NOXRED1: variants seen among roughly 807,000 people sequenced by gnomAD.
NOXRED1 encodes NADP dependent oxidoreductase domain containing 1.
Under a neutral mutation model 30.4 loss-of-function variants are expected in NOXRED1, and 20 were observed. That is an observed-to-expected ratio of 0.66 (90% CI 0.46 to 0.96). NOXRED1 has a LOEUF of 0.96. NOXRED1 is among the 40% of genes least tolerant of loss of function. NOXRED1 has a pLI of 0.00. For missense variants in NOXRED1, 374 were observed against 428.0 expected (o/e 0.87, Z 1.11); for synonymous variants, 155 against 168.0 (o/e 0.92, Z 0.60).
intron 2 of NOXRED1, among the ~76,000 whole-genome samples, chr14:77,412,101 TA>T (rs71128621): frequency 0.023 from 1,482 of 63,702 alleles, 20 homozygotes; most frequent in African/African-American, 0.059. Context: ...AGACTCAGTC[TA>T]AAAAAAAAAA....
In NOXRED1 at chr14:77,423,444, A is replaced by T. The variant is rs1294759967; in HGVS notation, c.-555T>A. 2.0e-5 allele frequency: 3 copies of T among 152,678 alleles called. No homozygotes were observed. Among genetic ancestry groups the T allele is most frequent in the African/African-American group, 7.2e-5 (3 of 41,458 alleles). 9.5% of individuals were successfully genotyped at this position (152,678 alleles called of 1,614,324 possible). ...TTTTACAAACTAAACTCAAAGTCAT[A>T]TAAACCCATCTACATATATCTATCA... On this transcript the variant is annotated 5_prime_UTR_variant, in exon 1 of 6. Coordinates refer to ENST00000380835, the MANE Select transcript of NOXRED1 (RefSeq NM_001113475.3).
At chr14:77,415,585 T>TATAG (rs35339836) in intron 1 of NOXRED1, among the ~76,000 whole-genome samples, 7,053 of 145,464 alleles carry the variant, frequency 0.048, 219 homozygotes, top group African/African-American at 0.085. Context: ...AGAAAATACA[T>TATAG]ATAGATAGAT....
At chr14:77,419,024 T>A (rs1025067650) in intron 1 of NOXRED1, among the ~76,000 whole-genome samples, 4 of 151,638 alleles carry the variant, frequency 2.6e-5, no homozygotes, top group African/African-American at 9.7e-5. Context: ...GGTCCAGGAG[T>A]GATGAGGTTT....
chr14:77,406,201 A>C, intron 4 of NOXRED1, 66 bp from the exon 5 acceptor site: 3 of 1,159,844 alleles, frequency 2.6e-6, no homozygotes, highest in Non-Finnish European at 3.8e-6. Context: ...AAAACCTAGA[A>C]TAAACCCCTG....
At chr14:77,423,649 CA>C (rs1203398665), upstream of NOXRED1, 2 of 152,214 alleles carry the variant, frequency 1.3e-5, no homozygotes, top group African/African-American at 4.8e-5. Flanking sequence ...CGTATCAGGA[CA>C]TGAGTTCCTT....
At chr14:77,416,840 C>T (rs1234159181) in intron 1 of NOXRED1, among the ~76,000 whole-genome samples, 2 of 150,264 alleles carry the variant, frequency 1.3e-5, no homozygotes. Context: ...GGCTGACCCC[C>T]CCACCTCCCT....
intron 1 of NOXRED1, among the ~76,000 whole-genome samples, chr14:77,414,942 C>A (rs1894771511): frequency 6.6e-6 from 1 of 152,012 alleles, no homozygotes; most frequent in Non-Finnish European, 1.5e-5. Context: ...TTTGAGAGGC[C>A]AAGGCAGGCA....
At chr14:77,395,867 T>A (rs1894164559) in intron 5 of NOXRED1, among the ~76,000 whole-genome samples, 1 of 151,802 alleles carries the variant, frequency 6.6e-6, no homozygotes, top group African/African-American at 2.4e-5. Flanking sequence ...TAAGTATTAG[T>A]CTATAGTGTA....
At chr14:77,413,848 C>T (rs1429643543) in intron 2 of NOXRED1, 86 bp downstream of exon 2, 1 of 879,140 alleles carries the variant, frequency 1.1e-6, no homozygotes, top group Non-Finnish European at 1.7e-6. Flanking sequence ...TGCAAGGATT[C>T]CTCTTTGGAG....
chr14:77,419,313 T>C (rs1894920585), intron 1 of NOXRED1, among the ~76,000 whole-genome samples: 1 of 151,966 alleles, frequency 6.6e-6, no homozygotes, highest in South Asian at 2.1e-4. Flanking sequence ...CCTCAGGAGA[T>C]CTGCCCGCCT....
chr14:77,407,840 G>A (rs1442335191), intron 2 of NOXRED1, among the ~76,000 whole-genome samples, 195 bp from the exon 3 acceptor site: 1 of 151,194 alleles, frequency 6.6e-6, no homozygotes. Context: ...TACTAAAGCA[G>A]CAGTAGTACT....
At chr14:77,421,913 G>C (rs1006323666) in intron 1 of NOXRED1, among the ~76,000 whole-genome samples, 2 of 152,164 alleles carry the variant, frequency 1.3e-5, no homozygotes, top group African/African-American at 2.4e-5. Flanking sequence ...AATGCCACCT[G>C]CAAGTTTCAT....
At chr14:77,414,239 T>G in intron 1 of NOXRED1, 112 bp from the exon 2 acceptor site, 1 of 639,112 alleles carries the variant, frequency 1.6e-6, no homozygotes, top group Non-Finnish European at 2.5e-6. Context: ...TAGAGTGCAA[T>G]GGGGTGATCT....
chr14:77,409,149 T>C (rs1191264420), intron 2 of NOXRED1, among the ~76,000 whole-genome samples: 2 of 152,104 alleles, frequency 1.3e-5, no homozygotes, highest in African/African-American at 4.8e-5. Context: ...TGAGAGTACA[T>C]GGCAAATGTA....
chr14:77,409,667 T>C (rs922986317), intron 2 of NOXRED1, among the ~76,000 whole-genome samples: 3 of 152,334 alleles, frequency 2.0e-5, no homozygotes, highest in African/African-American at 7.2e-5. Flanking sequence ...TTTTGAATTA[T>C]TGTTTCCTTA....
At chr14:77,397,965 A>T (rs563749119) in intron 5 of NOXRED1, among the ~76,000 whole-genome samples, 1 of 152,170 alleles carries the variant, frequency 6.6e-6, no homozygotes, top group African/African-American at 2.4e-5. Flanking sequence ...TCCTAACAAT[A>T]ATTAAAAAGC....
intron 1 of NOXRED1, among the ~76,000 whole-genome samples, chr14:77,417,582 ACTACTCCTGTTCTT>A (rs557018090): frequency 1.3e-5 from 2 of 152,290 alleles, no homozygotes; most frequent in Admixed American, 1.3e-4. Context: ...TACAAGTATG[ACTACTCCTGTTCTT>A]TTTTGGTTAC....
intron 4 of NOXRED1, 136 bp from the exon 5 acceptor site, chr14:77,406,271 A>G: frequency 1.6e-6 from 1 of 638,296 alleles, no homozygotes; most frequent in Non-Finnish European, 2.8e-6. Context: ...AAGATAAGCA[A>G]ACATTCCTTC....
At chr14:77,419,681 A>G (rs1566714874) in intron 1 of NOXRED1, among the ~76,000 whole-genome samples, 1 of 150,038 alleles carries the variant, frequency 6.7e-6, no homozygotes. Context: ...ATGTCCTGAC[A>G]TCGTGATCCG....
Sources: allele counts gnomAD v4.1 joint callset (sites outside exome capture counted in the v4.1 genomes callset), GRCh38; gene constraint gnomAD v4.1.1; transcripts MANE v1.5; gene names NCBI Gene and HGNC (gene_info 2026-07-23, HGNC 2026-07-21).